TMC1: variants seen among roughly 807,000 people sequenced by gnomAD.
TMC1 encodes the protein transmembrane channel like 1.
In TMC1, 84 loss-of-function variants were observed where a neutral mutation model predicts 105.8. That is an observed-to-expected ratio of 0.79 (90% CI 0.67 to 0.95). TMC1 has a LOEUF of 0.95. TMC1 is among the 40% of genes least tolerant of loss of function. The probability of loss-of-function intolerance (pLI) is 0.00; values close to 1 mark genes in which losing one functional copy is unlikely to be tolerated. For missense variants in TMC1, 817 were observed against 914.1 expected, an observed-to-expected ratio of 0.89 and a Z score of 1.37; for synonymous variants, 315 against 311.5, an observed-to-expected ratio of 1.01 and a Z score of -0.12.
chr9:72,760,287 C>T (rs1470033443), intron 12 of TMC1, among the ~76,000 whole-genome samples: 1 of 152,098 alleles, frequency 6.6e-6, no homozygotes, highest in Non-Finnish European at 1.5e-5. Flanking sequence ...TAGAGGTGCT[C>T]ACTCTGTATT....
intron 1 of TMC1, 66 bp from the exon 2 acceptor site, chr9:72,577,836 T>G (rs1471624773): frequency 6.6e-6 from 1 of 152,158 alleles, no homozygotes; most frequent in Non-Finnish European, 1.5e-5. Flanking sequence ...GGGCTCTGCC[T>G]CTTGTAATTT....
chr9:72,598,187 C>T (rs1258816460), intron 2 of TMC1, among the ~76,000 whole-genome samples: 2 of 152,170 alleles, frequency 1.3e-5, no homozygotes, highest in Non-Finnish European at 2.9e-5. Flanking sequence ...CCCACATACC[C>T]TCAGAAATGG....
intron 12 of TMC1, among the ~76,000 whole-genome samples, chr9:72,765,614 G>T (rs999411565): frequency 4.7e-5 from 7 of 150,392 alleles, no homozygotes; most frequent in African/African-American, 1.7e-4. Flanking sequence ...AGAAAGGAGG[G>T]CAGCAAGAGG....
chr9:72,780,325 A>T (rs1828073552), intron 13 of TMC1, among the ~76,000 whole-genome samples: 1 of 152,220 alleles, frequency 6.6e-6, no homozygotes, highest in Non-Finnish European at 1.5e-5. Flanking sequence ...TACATAGACC[A>T]CTGACACTAT....
intron 5 of TMC1, among the ~76,000 whole-genome samples, chr9:72,677,199 T>C (rs1390664246): frequency 6.6e-6 from 1 of 151,534 alleles, no homozygotes; most frequent in African/African-American, 2.4e-5. Flanking sequence ...AGTCTCAAAA[T>C]CTGCAGGCCA....
rs953178088 is a variant in TMC1, at chr9:72,693,281, G to A, written c.65-1262G>A. On this transcript the variant is annotated intron_variant, in intron 6 of 23. Coordinates refer to ENST00000297784, the MANE Select transcript of TMC1 (RefSeq NM_138691.3). ...GAAAAAATAAAATGATGACTCACAC[G>A]TATGTGAAAAGAACATATTTAACTA... Among the ~76,000 whole-genome samples, 7 of 152,114 alleles carry A rather than the reference G, an allele frequency of 4.6e-5. No homozygotes were observed. The East Asian group carries it at 5.8e-4, about 13-fold the overall frequency.
rs758571137 is a variant in TMC1, at chr9:72,827,430, T to TA, written c.2129+437dup. Among the ~76,000 whole-genome samples the TA allele has an allele frequency of 7.9e-5, 12 of 152,302 alleles. No homozygotes were observed. The South Asian group carries it at 1.5e-3, about 18-fold the overall frequency. On this transcript the variant is annotated intron_variant, in intron 21 of 23. Transcript: ENST00000297784. ...TTCCCCTTGGGGGCCCTATAGACTATATTTTAGGGGCAAGGGCTTCAAGGG... is the reference window on the plus strand; with the variant it reads ...TTCCCCTTGGGGGCCCTATAGACTATAATTTTAGGGGCAAGGGCTTCAAGGG...
At position 72,688,691 on chromosome 9, in the gene TMC1, G is replaced by C; in HGVS notation, c.17-18G>C. 1 of 1,604,332 alleles carries C rather than the reference G, an allele frequency of 6.2e-7. No individual in the cohort carries two copies. The highest frequency in any genetic ancestry group is 8.5e-7 in the Non-Finnish European group (1 of 1,172,518). On this transcript the variant is annotated intron_variant, in intron 5 of 23. Coordinates refer to ENST00000297784, the MANE Select transcript of TMC1 (RefSeq NM_138691.3). ...CAGGCATTTAAATAATTGCTGTACT[G>C]TTTTCTTTCCTCAACAGTACAAATC... is the stretch of plus-strand genomic sequence containing the variant.
At chr9:72,760,714 G>A (rs1827743044) in intron 12 of TMC1, among the ~76,000 whole-genome samples, 1 of 152,244 alleles carries the variant, frequency 6.6e-6, no homozygotes, top group African/African-American at 2.4e-5. Flanking sequence ...ATAGATTTAA[G>A]ATCTGCACTT....
chr9:72,718,095 C>G (rs1045031262), intron 8 of TMC1, among the ~76,000 whole-genome samples: 4 of 151,724 alleles, frequency 2.6e-5, no homozygotes, highest in Non-Finnish European at 5.9e-5. Context: ...AAGATTTCTC[C>G]CCTCATATCT....
chr9:72,794,284 G>A (rs542502338), intron 17 of TMC1, among the ~76,000 whole-genome samples: 41 of 152,232 alleles, frequency 2.7e-4, no homozygotes, highest in African/African-American at 8.4e-4. Context: ...GAAACATAAC[G>A]CTGAGATTGC....
intron 19 of TMC1, 77 bp downstream of exon 19, chr9:72,816,287 G>T (rs1299222114): frequency 9.4e-6 from 13 of 1,379,768 alleles, no homozygotes; most frequent in Non-Finnish European, 1.3e-5. Context: ...TTGAATCCTG[G>T]TGTTAGAGGA....
At chr9:72,788,926 A>G (rs1421613836) in intron 14 of TMC1, among the ~76,000 whole-genome samples, 197 bp from the exon 15 acceptor site, 2 of 152,124 alleles carry the variant, frequency 1.3e-5, no homozygotes, top group African/African-American at 4.8e-5. Context: ...GTTTGCAAGA[A>G]TTCTTCCTTC....
chr9:72,703,978 A>G (rs1482039664), intron 8 of TMC1, among the ~76,000 whole-genome samples: 1 of 152,146 alleles, frequency 6.6e-6, no homozygotes, highest in South Asian at 2.1e-4. Context: ...CTTTTTTTGA[A>G]TGTTCTATTG....
chr9:72,690,327 A>G (rs1826443690), intron 6 of TMC1, among the ~76,000 whole-genome samples: 1 of 152,112 alleles, frequency 6.6e-6, no homozygotes, highest in Non-Finnish European at 1.5e-5. Flanking sequence ...TACTGTTAAT[A>G]CTTTTTTACT....
intron 1 of TMC1, among the ~76,000 whole-genome samples, chr9:72,541,964 A>G (rs1823686018): frequency 6.6e-6 from 1 of 152,108 alleles, no homozygotes; most frequent in South Asian, 2.1e-4. Flanking sequence ...AAACAAAAAC[A>G]AAAAAACACA....
At chr9:72,570,235 G>A (rs1824252042) in intron 1 of TMC1, among the ~76,000 whole-genome samples, 1 of 74,274 alleles carries the variant, frequency 1.3e-5, no homozygotes, top group Admixed American at 1.4e-4. Context: ...AGAGTAGTGT[G>A]TGTGTGTGTG....
chr9:72,739,695 G>C (rs1239123926), intron 8 of TMC1, among the ~76,000 whole-genome samples: 1 of 151,948 alleles, frequency 6.6e-6, no homozygotes, highest in African/African-American at 2.4e-5. Context: ...TTCTATGTCA[G>C]TTTGACCTAA....
At chr9:72,553,188 G>A (rs1319358587) in intron 1 of TMC1, among the ~76,000 whole-genome samples, 1 of 152,058 alleles carries the variant, frequency 6.6e-6, no homozygotes, top group African/African-American at 2.4e-5. Context: ...GGTCAGGCTG[G>A]TCTCGAACTC....
Sources: allele counts gnomAD v4.1 joint callset (sites outside exome capture counted in the v4.1 genomes callset), GRCh38; gene constraint gnomAD v4.1.1; transcripts MANE v1.5; gene names NCBI Gene and HGNC (gene_info 2026-07-23, HGNC 2026-07-21).